MAP3K6: variants seen among roughly 807,000 people sequenced by gnomAD.
MAP3K6 encodes the protein mitogen-activated protein kinase kinase kinase 6, also known as apoptosis signal-regulating kinase 2.
MAP3K6 carries 105 observed loss-of-function variants against 147.1 expected under a neutral mutation model. The observed-to-expected ratio is 0.71, with a 90% CI of 0.61 to 0.84. The LOEUF (loss-of-function observed/expected upper bound fraction) is 0.84, where lower values mean the gene tolerates loss of function less well. MAP3K6 is among the 40% of genes least tolerant of loss of function. The pLI is 0.00. For missense variants in MAP3K6, 1,569 were observed against 1,715.0 expected (o/e 0.91, Z 1.50); for synonymous variants, 695 against 732.4 (o/e 0.95, Z 0.82).
chr1:27,356,529 C>CA, intron 25 of MAP3K6, 29 bp from the exon 26 acceptor site: 1 of 1,611,166 alleles, frequency 6.2e-7, no homozygotes, highest in Non-Finnish European at 8.5e-7. Flanking sequence ...TAGAATGGAG[C>CA]GGTGAGTGGT....
chr1:27,361,201 A>G lies in MAP3K6; in HGVS notation c.1788T>C (p.Ala596=). The G allele has an allele frequency of 6.2e-7, 1 of 1,612,986 alleles. No individual in the cohort carries two copies. Among genetic ancestry groups the G allele is most frequent in the Non-Finnish European group, 8.5e-7 (1 of 1,179,804 alleles). ...TGGGGAAGCACAGCTGGACGTCCTG[A>G]GCCGGGGGGAGTGCATAGAGGAAGC... ...RCCFLYALPP[A]QDVQLCFPSV... The change falls in exon 13 of 29, where the codon GCT becomes GCC. Residue 596 remains alanine, a synonymous_variant. Transcript: ENST00000357582.
chr1:27,355,746 C>A lies in MAP3K6; in HGVS notation c.3712-1G>T, dbSNP rs757432362. On this transcript the variant is annotated splice_acceptor_variant, in intron 27 of 28. Transcript: ENST00000357582. LOFTEE classifies it high-confidence loss of function. ...GGAGGGTGAAGCTATGGTTCAACAGCTGGATGTGGTCAAAGACCCGCAGAA... is the reference window on the plus strand; with the variant it reads ...GGAGGGTGAAGCTATGGTTCAACAGATGGATGTGGTCAAAGACCCGCAGAA... 1 of 1,613,852 alleles carries A rather than the reference C, an allele frequency of 6.2e-7. No homozygotes were observed. The highest frequency in any genetic ancestry group is 1.1e-5 in the South Asian group (1 of 91,058).
intron 13 of MAP3K6, 26 bp from the exon 14 acceptor site, chr1:27,361,034 C>G (rs1301501164): frequency 6.5e-7 from 1 of 1,548,596 alleles, no homozygotes; most frequent in Non-Finnish European, 8.7e-7. Context: ...GTCAGACCCG[C>G]GGGAGGGGCA....
At position 27,360,955 on chromosome 1, in the gene MAP3K6, G is replaced by A; in HGVS notation, c.1886C>T (p.Ala629Val). The A allele has an allele frequency of 6.2e-7, 1 of 1,607,504 alleles. No homozygotes were observed. The highest frequency in any genetic ancestry group is 8.5e-7 in the Non-Finnish European group (1 of 1,176,824). ...WVTNPDSTAP[A>V]EEAEGAGEML... ...CTCCCCCGCGCCCTCCGCCTCCTCC[G>A]CGGGCGCCGTGGAATCCGGGTTCGT... Residue 629 changes from alanine to valine, a missense_variant, in exon 14 of 29, where the codon GCG (alanine) becomes GTG (valine). By Grantham distance (64) the Ala-to-Val change is moderately conservative (BLOSUM62 0). Coordinates refer to ENST00000357582, the MANE Select transcript of MAP3K6 (RefSeq NM_004672.5). This position sits in a 1 kb window ranked among gnomAD's most constrained non-coding sequence, Gnocchi z 4.5.
At chr1:27,363,410 G>T in intron 6 of MAP3K6, 32 bp downstream of exon 6, 1 of 1,568,952 alleles carries the variant, frequency 6.4e-7, no homozygotes, top group Non-Finnish European at 8.7e-7. Flanking sequence ...ACCTTTATGT[G>T]GCTATGACCT....
At chr1:27,363,788 C>A in intron 5 of MAP3K6, 129 bp downstream of exon 5, 2 of 980,298 alleles carry the variant, frequency 2.0e-6, no homozygotes, top group Non-Finnish European at 1.5e-6. Context: ...AATAAGGAGG[C>A]CAACACTCAG....
Position 27,361,580 on chromosome 1 carries a change from C to A in MAP3K6, c.1626G>T (p.Glu542Asp). Residue 542 changes from glutamate (E) to aspartate (D), a missense_variant, in exon 11 of 29, where the codon GAG (glutamate) becomes GAT (aspartate). Glu to Asp is a conservative substitution (Grantham distance 45). Coordinates refer to ENST00000357582, the MANE Select transcript of MAP3K6 (RefSeq NM_004672.5). ...MNKVLLPAKL[E>D]VRGTDPVSTV... ...TGCTTACTGGGTCAGTACCCCGAAC[C>A]TCGAGCTTTGCAGGCAGCAGCACCT... The A allele has an allele frequency of 6.2e-7, 1 of 1,614,212 alleles. No individual in the cohort carries two copies. Among genetic ancestry groups the A allele is most frequent in the South Asian group, 1.1e-5 (1 of 91,084 alleles).
At chr1:27,357,167 G>T (rs1007719136) in intron 23 of MAP3K6, 53 bp from the exon 24 acceptor site, 2 of 1,527,366 alleles carry the variant, frequency 1.3e-6, no homozygotes, top group Admixed American at 1.7e-5. Flanking sequence ...CTAGAGGCAG[G>T]GCTTGAGTTG....
intron 21 of MAP3K6, 56 bp from the exon 22 acceptor site, chr1:27,357,932 C>T (rs1003080896): frequency 2.6e-6 from 4 of 1,516,976 alleles, no homozygotes; most frequent in Middle Eastern, 2.3e-4. Context: ...CCAGTCACCT[C>T]TGTTGCCGGG....
chr1:27,357,129 A>T lies in MAP3K6; in HGVS notation c.3259-15T>A. ...ATCTGCTTCACCTGCAGGGGGAGGG[A>T]GGCGCCGCTGAGACAGCTGAGCCTC... On this transcript the variant is annotated splice_polypyrimidine_tract_variant and intron_variant, in intron 23 of 28. Transcript: ENST00000357582. The T allele has an allele frequency of 6.2e-7, 1 of 1,606,970 alleles. No homozygotes were observed. Among genetic ancestry groups the T allele is most frequent in the Non-Finnish European group, 8.5e-7 (1 of 1,173,990 alleles).
At position 27,356,018 on chromosome 1, in the gene MAP3K6, C is replaced by G. The variant is rs372060699; in HGVS notation, c.3711+8G>C. The G allele has an allele frequency of 2.6e-5, 42 of 1,613,410 alleles. No individual in the cohort carries two copies. The South Asian group carries it at 3.3e-4, about 13-fold the overall frequency. The stretch of plus-strand genomic sequence containing the variant: ...AGGTCAGGGATAGCCAAGCACTCCC[C>G]GACTCACCATTTGGATGGTGCCTGA... On this transcript the variant is annotated splice_region_variant and intron_variant, in intron 27 of 28. Transcript: ENST00000357582.
chr1:27,363,512 G>A lies in MAP3K6; in HGVS notation c.901C>T (p.Gln301Ter). Reference protein sequence around the residue: ...SAIIELVETLQALPTCDVAEQ... With the variant: ...SAIIELVETL ...GCCACATCACAGGTGGGCAAGGCCT[G>A]CAGCGTCTCCACCAGCTCAATGATG... Residue 301 changes from glutamine to a stop codon, truncating the protein, a stop_gained, in exon 6 of 29, where the codon CAG (glutamine) becomes TAG (stop). Coordinates refer to ENST00000357582, the MANE Select transcript of MAP3K6 (RefSeq NM_004672.5). LOFTEE classifies it high-confidence loss of function. 6.2e-7 allele frequency: 1 copy of A among 1,613,424 alleles called. No homozygotes were observed. The highest frequency in any genetic ancestry group is 8.5e-7 in the Non-Finnish European group (1 of 1,179,672).
At chr1:27,355,844 G>C in intron 27 of MAP3K6, 99 bp from the exon 28 acceptor site, 1 of 1,242,656 alleles carries the variant, frequency 8.0e-7, no homozygotes, top group Non-Finnish European at 1.2e-6. Flanking sequence ...CCAAAATAAT[G>C]AGGCAGATCA....
In MAP3K6 at chr1:27,361,816, G is replaced by A. The variant is rs373729597; in HGVS notation, c.1467C>T (p.Pro489=). ...GTGGCCCTCCAGGGGGCTCTGGCGT[G>A]GGCCTGAAGTGCTGGTAGAGCAGGA... ...ETFLLYQHFR[P]TPEPPGGPPR... Residue 489 remains proline, a synonymous_variant, in exon 10 of 29, where the codon CCC becomes CCT. Transcript: ENST00000357582. The A allele has an allele frequency of 3.9e-4, 631 of 1,601,458 alleles. 1 individual carries two copies. The highest frequency in any genetic ancestry group is 4.8e-4 in the South Asian group (43 of 89,544).
chr1:27,366,462 T>G lies in MAP3K6; in HGVS notation c.136A>C (p.Ser46Arg). 8.6e-7 allele frequency: 1 copy of G among 1,158,116 alleles called. No homozygotes were observed. The highest frequency in any genetic ancestry group is 1.1e-6 in the Non-Finnish European group (1 of 943,190). 71.7% of individuals were successfully genotyped at this position (1,158,116 alleles called of 1,614,324 possible). A position where few individuals can be genotyped will look rare whatever the true frequency, so the allele number is the denominator to read the frequency against. ...TCCCGGGTCAGCACGTAGACCACGC[T>G]GAGCGGCCGGCTCCGCGCGCAGCCC... is the stretch of plus-strand genomic sequence containing the variant. ...GRGCARSRPLSVVYVLTREPQ... is the reference protein window; with the variant it reads ...GRGCARSRPLRVVYVLTREPQ... The change falls in exon 1 of 29, where the codon AGC becomes CGC. Residue 46 changes from serine (S) to arginine (R), a missense_variant. By Grantham distance (110) the Ser-to-Arg change is moderately radical (BLOSUM62 -1). Transcript: ENST00000357582. The surrounding 1 kb of genome is among the most constrained non-coding windows in gnomAD (Gnocchi z 5.5).
At position 27,358,000 on chromosome 1, in the gene MAP3K6, C is replaced by T. The variant is rs1023916827; in HGVS notation, c.2916-124G>A. On this transcript the variant is annotated intron_variant, in intron 21 of 28. Coordinates refer to ENST00000357582, the MANE Select transcript of MAP3K6 (RefSeq NM_004672.5). ...CCTCACAGGCATGAACATAGATAAA[C>T]CCCGCACTGAGAGGACACAACAAGT... is the stretch of plus-strand genomic sequence containing the variant. 4.1e-6 allele frequency: 6 copies of T among 1,469,430 alleles called. No individual in the cohort carries two copies. The African/African-American group carries it at 8.5e-5, about 21-fold the overall frequency. The allele number at this position is 1,469,430 out of a possible 1,614,324, so 91.0% of individuals were successfully genotyped here.
At position 27,361,826 on chromosome 1, in the gene MAP3K6, T is replaced by A. The variant is rs768813486; in HGVS notation, c.1457A>T (p.His486Leu). ...AGGGGGCTCTGGCGTGGGCCTGAAG[T>A]GCTGGTAGAGCAGGAAGGTCTCCAT... The part of the protein sequence containing the change: ...SVMETFLLYQ[H>L]FRPTPEPPGG... Residue 486 changes from histidine to leucine, a missense_variant, in exon 10 of 29, where the codon CAC becomes CTC. Physicochemically the swap from His to Leu is moderately conservative, Grantham distance 99. Transcript: ENST00000357582. 1 of 1,594,550 alleles carries A rather than the reference T, an allele frequency of 6.3e-7. No individual in the cohort carries two copies.
Position 27,359,888 on chromosome 1 carries a change from G to C in MAP3K6, c.2289C>G (p.His763Gln), listed in dbSNP as rs746107468. The C allele has an allele frequency of 2.5e-6, 4 of 1,614,008 alleles. No individual in the cohort carries two copies. The highest frequency in any genetic ancestry group is 3.3e-5 in the Admixed American group (2 of 59,998). The stretch of plus-strand genomic sequence containing the variant: ...TGTCCCTGTGCACGATGTGGTTGTC[G>C]TGCAAGTAGCCAAGTCCCTGCAGGA... ...RQILQGLGYLHDNHIVHRDIK... is the reference protein window; with the variant it reads ...RQILQGLGYLQDNHIVHRDIK... Residue 763 changes from histidine (H) to glutamine (Q), a missense_variant, in exon 17 of 29, where the codon CAC becomes CAG. His to Gln is a conservative substitution (Grantham distance 24, BLOSUM62 0). Transcript: ENST00000357582. The surrounding 1 kb of genome is among the most constrained non-coding windows in gnomAD (Gnocchi z 4.4).
chr1:27,358,828 C>T lies in MAP3K6; in HGVS notation c.2464G>A (p.Gly822Ser). 1 of 1,604,476 alleles carries T rather than the reference C, an allele frequency of 6.2e-7. No individual in the cohort carries two copies. The change falls in exon 19 of 29, where the codon GGC (glycine) becomes AGC (serine). Residue 822 changes from glycine (G) to serine (S), a missense_variant. Gly to Ser is a moderately conservative substitution (Grantham distance 56, BLOSUM62 0). Coordinates refer to ENST00000357582, the MANE Select transcript of MAP3K6 (RefSeq NM_004672.5). The surrounding 1 kb of genome is among the most constrained non-coding windows in gnomAD (Gnocchi z 6.2). ...GCTGCTTTCCCATACCCGCGTGGGC[C>T]CTGGTCAATGATTTCTGGGGCCATA... is the stretch of plus-strand genomic sequence containing the variant. The part of the protein sequence containing the change: ...QYMAPEIIDQ[G>S]PRGYGKAADI...
Sources: gnomAD v4.1 joint callset for allele counts on GRCh38, gnomAD v4.1.1 for gene constraint, Gnocchi (gnomAD v3.1) non-coding constraint, MANE v1.5 for transcripts, NCBI Gene and HGNC (gene_info 2026-07-23, HGNC 2026-07-21) for gene names.